Variants in ANKRD12 observed in about 807,000 individuals in gnomAD.
The protein encoded by ANKRD12 is ankyrin repeat domain-containing protein 12.
In ANKRD12, 85 loss-of-function variants were observed where a neutral mutation model predicts 183.4. The ratio of observed to expected loss-of-function variants is 0.46; its 90% CI spans 0.39 to 0.56. The LOEUF is 0.56. Ranked by LOEUF, ANKRD12 falls within the 20% of genes least tolerant of loss-of-function variation. The pLI is 0.00. For synonymous variants in ANKRD12, 914 were observed against 800.2 expected, an observed-to-expected ratio of 1.14 and a Z score of -2.40; for missense variants, 2,405 against 2,357.1, an observed-to-expected ratio of 1.02 and a Z score of -0.42.
At chr18:9,245,536 A>G (rs1244361041) in intron 8 of ANKRD12, among the ~76,000 whole-genome samples, 3 of 152,160 alleles carry the variant, frequency 2.0e-5, no homozygotes, top group African/African-American at 7.2e-5. Flanking sequence ...TTCTTTATAA[A>G]CTATATTAAT....
At chr18:9,151,024 A>G (rs1156830136) in intron 1 of ANKRD12, among the ~76,000 whole-genome samples, 3 of 152,210 alleles carry the variant, frequency 2.0e-5, no homozygotes, top group Admixed American at 1.3e-4. Context: ...TTTGTGGGAA[A>G]ATGTTATGGA....
At chr18:9,165,950 T>TA (rs1491117919) in intron 1 of ANKRD12, among the ~76,000 whole-genome samples, 2 of 145,086 alleles carry the variant, frequency 1.4e-5, no homozygotes, top group Admixed American at 1.4e-4. Flanking sequence ...AATTACCACC[T>TA]ATGAGTGAGA....
At chr18:9,200,158 A>G (rs1261070801) in intron 3 of ANKRD12, among the ~76,000 whole-genome samples, 2 of 152,200 alleles carry the variant, frequency 1.3e-5, no homozygotes, top group African/African-American at 4.8e-5. Flanking sequence ...AATACTTACT[A>G]ATTTTTTTAA....
At chr18:9,227,958 A>G (rs2031768303) in intron 8 of ANKRD12, among the ~76,000 whole-genome samples, 2 of 152,094 alleles carry the variant, frequency 1.3e-5, no homozygotes, top group Non-Finnish European at 2.9e-5. Flanking sequence ...CTCCCCCACC[A>G]ATCCCCTTCC....
intron 1 of ANKRD12, among the ~76,000 whole-genome samples, chr18:9,149,793 A>ATTTTTTTT (rs11403682): frequency 1.4e-5 from 2 of 145,118 alleles, no homozygotes; most frequent in South Asian, 2.1e-4. Context: ...TATTTATTAA[A>ATTTTTTTT]TTTTATTTTT....
chr18:9,221,955 T>C lies in ANKRD12; in HGVS notation c.899T>C (p.Leu300Pro). Reference sequence around the variant, plus strand: ...GAAACAGAGGAGTTGGAGTTGCTACTAAAAAGAGAGGTGCCTTTATCTGAT... The same window carrying C: ...GAAACAGAGGAGTTGGAGTTGCTACCAAAAAGAGAGGTGCCTTTATCTGAT... ...VAETEELELL[L>P]KREVPLSDDD... The change falls in exon 8 of 13, where the codon CTA (leucine) becomes CCA (proline). Residue 300 changes from leucine to proline, a missense_variant. Physicochemically the swap from Leu to Pro is moderately conservative, Grantham distance 98. This residue lies in a region of ANKRD12 where 40 missense variants were observed against 54.2 expected (regional missense o/e 0.74). Coordinates refer to ENST00000262126, the MANE Select transcript of ANKRD12 (RefSeq NM_015208.5). 6.2e-7 allele frequency: 1 copy of C among 1,614,068 alleles called. No individual in the cohort carries two copies. Among genetic ancestry groups the C allele is most frequent in the Non-Finnish European group, 8.5e-7 (1 of 1,179,934 alleles).
At chr18:9,275,979 A>G (rs1043412518) in intron 11 of ANKRD12, among the ~76,000 whole-genome samples, 3 of 152,248 alleles carry the variant, frequency 2.0e-5, no homozygotes, top group African/African-American at 7.2e-5. Flanking sequence ...ACCTTCAGGC[A>G]GCTAGAAAGC....
intron 4 of ANKRD12, among the ~76,000 whole-genome samples, chr18:9,205,265 GA>G (rs1319087621): frequency 8.1e-4 from 114 of 140,710 alleles, no homozygotes; most frequent in Non-Finnish European, 8.8e-4. Context: ...AAATGTTTTT[GA>G]TTGTCTTTTT....
intron 1 of ANKRD12, 52 bp from the exon 2 acceptor site, chr18:9,182,330 G>A (rs377025467): frequency 0.24 from 35,147 of 146,014 alleles, 1,673 homozygotes; most frequent in Non-Finnish European, 0.27. Context: ...ATTGTGGTGC[G>A]TAACCTATTG....
chr18:9,207,286 A>T (rs1567915816), intron 4 of ANKRD12, among the ~76,000 whole-genome samples: 1 of 152,138 alleles, frequency 6.6e-6, no homozygotes, highest in Non-Finnish European at 1.5e-5. Context: ...CATTAATGAT[A>T]ATGAAATAAT....
chr18:9,238,601 T>C (rs180776503), intron 8 of ANKRD12, among the ~76,000 whole-genome samples: 294 of 152,296 alleles, frequency 1.9e-3, no homozygotes, highest in Middle Eastern at 3.4e-3. Context: ...AACAGCTGTT[T>C]TTGAGCACTC....
At chr18:9,195,040 T>C (rs1567902269) in intron 2 of ANKRD12, among the ~76,000 whole-genome samples, 1 of 152,166 alleles carries the variant, frequency 6.6e-6, no homozygotes, top group South Asian at 2.1e-4. Flanking sequence ...CACAGCAACA[T>C]GGATGGAGCT....
intron 12 of ANKRD12, among the ~76,000 whole-genome samples, chr18:9,279,854 GCAGTTT>G (rs1397953319): frequency 1.3e-5 from 2 of 152,166 alleles, no homozygotes; most frequent in Non-Finnish European, 2.9e-5. Context: ...CACAGAAAAT[GCAGTTT>G]CTAGTGTGGG....
chr18:9,177,276 T>G (rs2033347190), intron 1 of ANKRD12, among the ~76,000 whole-genome samples: 1 of 152,134 alleles, frequency 6.6e-6, no homozygotes, highest in Non-Finnish European at 1.5e-5. Context: ...CACCAAGTAT[T>G]CTCATTCAGC....
chr18:9,256,764 C>T lies in ANKRD12; in HGVS notation c.3497C>T (p.Ser1166Phe). ...PKDAVSNRSQ[S>F]VDTKNVMTLG... The stretch of plus-strand genomic sequence containing the variant: ...GATGCTGTAAGTAACAGATCACAAT[C>T]TGTTGACACCAAAAATGTAATGACT... Residue 1166 changes from serine to phenylalanine, a missense_variant, in exon 9 of 13, where the codon TCT (serine) becomes TTT (phenylalanine). This residue lies in a region of ANKRD12 where 1,983 missense variants were observed against 1,725.9 expected (regional missense o/e 1.15). Transcript: ENST00000262126. 6.2e-7 allele frequency: 1 copy of T among 1,613,854 alleles called. No individual in the cohort carries two copies. Among genetic ancestry groups the T allele is most frequent in the Non-Finnish European group, 8.5e-7 (1 of 1,179,914 alleles).
At chr18:9,185,338 T>C (rs1274816638) in intron 2 of ANKRD12, among the ~76,000 whole-genome samples, 1 of 152,154 alleles carries the variant, frequency 6.6e-6, no homozygotes, top group Non-Finnish European at 1.5e-5. Flanking sequence ...CAGTGGCTTT[T>C]GGGATGAAGA....
intron 1 of ANKRD12, among the ~76,000 whole-genome samples, chr18:9,170,328 T>C (rs896385287): frequency 2.0e-5 from 3 of 152,252 alleles, no homozygotes; most frequent in African/African-American, 7.2e-5. Context: ...GGTTCCATTC[T>C]CCCCGTCACT....
At chr18:9,183,440 G>A (rs2033841041) in intron 2 of ANKRD12, among the ~76,000 whole-genome samples, 1 of 152,116 alleles carries the variant, frequency 6.6e-6, no homozygotes, top group Non-Finnish European at 1.5e-5. Flanking sequence ...GTAGTTTTCA[G>A]TGTAAAAGTG....
intron 8 of ANKRD12, among the ~76,000 whole-genome samples, chr18:9,248,467 G>A (rs1411073514): frequency 6.6e-6 from 1 of 152,124 alleles, no homozygotes; most frequent in Non-Finnish European, 1.5e-5. Context: ...TTTCATATAC[G>A]TTCTTTAATT....
Sources: allele counts gnomAD v4.1 joint callset (sites outside exome capture counted in the v4.1 genomes callset), GRCh38; gene constraint gnomAD v4.1.1; regional missense constraint gnomAD v4.1.1; transcripts MANE v1.5; gene names NCBI Gene and HGNC (gene_info 2026-07-23, HGNC 2026-07-21).